PCDH15: variants seen among roughly 807,000 people sequenced by gnomAD.
PCDH15 encodes protocadherin-15.
PCDH15 carries 129 observed loss-of-function variants against 178.5 expected under a neutral mutation model. The observed-to-expected ratio is 0.72, with a 90% CI of 0.63 to 0.84. The LOEUF is 0.84. Ranked by LOEUF, PCDH15 falls within the 40% of genes least tolerant of loss-of-function variation. The pLI is 0.00. For synonymous variants in PCDH15, 800 were observed against 732.0 expected, an observed-to-expected ratio of 1.09 and a Z score of -1.50; for missense variants, 2,230 against 2,099.9, an observed-to-expected ratio of 1.06 and a Z score of -1.21.
rs561359454 is a variant in PCDH15, at chr10:55,544,440, T to C, written c.-156+83185A>G. On this transcript the variant is annotated intron_variant, in intron 2 of 5. Coordinates refer to the PCDH15 transcript ENST00000613346. ...GGCACACATTAATATATCTGAACTA[T>C]TCATATTTTTCAAATGTCTGTTCTC... 2.4e-4 allele frequency among the ~76,000 whole-genome samples: 36 copies of C among 152,018 alleles called. 2 individuals carry two copies. In the South Asian group the frequency reaches 7.5e-3, roughly 32 times the overall value.
chr10:53,992,082 T>A (rs1412619657), intron 21 of PCDH15, among the ~76,000 whole-genome samples: 1 of 151,850 alleles, frequency 6.6e-6, no homozygotes, highest in East Asian at 1.9e-4. Context: ...GGTCTGCAGC[T>A]TCACTCCTGA....
intron 7 of PCDH15, among the ~76,000 whole-genome samples, chr10:54,320,217 A>T (rs527691934): frequency 6.6e-6 from 1 of 152,106 alleles, no homozygotes; most frequent in South Asian, 2.1e-4. Context: ...CCCTCTGCCA[A>T]GAAAGTTTAT....
intron 8 of PCDH15, among the ~76,000 whole-genome samples, chr10:54,295,281 G>C (rs537915187): frequency 6.6e-6 from 1 of 151,750 alleles, no homozygotes; most frequent in Non-Finnish European, 1.5e-5. Context: ...TAAGTGCTCT[G>C]TAAAATGGAC....
intron 2 of PCDH15, among the ~76,000 whole-genome samples, chr10:55,374,768 T>C (rs1052485791): frequency 1.3e-5 from 2 of 152,108 alleles, no homozygotes; most frequent in Non-Finnish European, 2.9e-5. Context: ...CCTGAAAGCA[T>C]AATTTTTGTT....
At chr10:54,950,110 T>C (rs981885045) in intron 2 of PCDH15, among the ~76,000 whole-genome samples, 2 of 152,016 alleles carry the variant, frequency 1.3e-5, no homozygotes, top group Admixed American at 6.6e-5. Flanking sequence ...TATTAGTCCA[T>C]TTTCCCACTG....
At chr10:54,073,349 C>A (rs751276146) in intron 17 of PCDH15, among the ~76,000 whole-genome samples, 25 of 151,772 alleles carry the variant, frequency 1.6e-4, no homozygotes, top group Non-Finnish European at 3.1e-4. Context: ...TAAAGTTTTA[C>A]TATTCTATAA....
At chr10:55,182,999 C>T (rs750819622) in intron 1 of PCDH15, among the ~76,000 whole-genome samples, 5 of 151,954 alleles carry the variant, frequency 3.3e-5, no homozygotes, top group Non-Finnish European at 7.4e-5. Flanking sequence ...CCCTTGGTCA[C>T]TCTAAATATG....
At chr10:55,141,361 T>C (rs1034559161) in intron 2 of PCDH15, among the ~76,000 whole-genome samples, 5 of 152,026 alleles carry the variant, frequency 3.3e-5, no homozygotes, top group African/African-American at 7.2e-5. Flanking sequence ...TAGAGTCAAA[T>C]TGCTGCAAAA....
intron 2 of PCDH15, among the ~76,000 whole-genome samples, chr10:55,079,262 G>A (rs931746224): frequency 6.6e-6 from 1 of 152,118 alleles, no homozygotes; most frequent in African/African-American, 2.4e-5. Flanking sequence ...TTCTTTGGGG[G>A]ATGTTTTTGT....
chr10:55,303,007 A>G (rs1308468190), intron 1 of PCDH15, among the ~76,000 whole-genome samples: 1 of 152,150 alleles, frequency 6.6e-6, no homozygotes, highest in Non-Finnish European at 1.5e-5. Context: ...AGTTAACATT[A>G]CTTAAATGCT....
chr10:53,832,176 G>A lies in PCDH15; in HGVS notation c.3984-643C>T, dbSNP rs993510626. 7.9e-5 allele frequency among the ~76,000 whole-genome samples: 12 copies of A among 152,062 alleles called. No homozygotes were observed. The South Asian group carries it at 1.4e-3, about 18-fold the overall frequency. ...GAAAAAAAGACTAAATAAATGATGC[G>A]AGTAGTATATCAGTGTTGTAAGAAT... On this transcript the variant is annotated intron_variant, in intron 29 of 37. Transcript: ENST00000644397.
chr10:54,204,727 T>C (rs536779141), intron 10 of PCDH15, among the ~76,000 whole-genome samples: 1 of 152,154 alleles, frequency 6.6e-6, no homozygotes, highest in South Asian at 2.1e-4. Flanking sequence ...GCAGCTGCCC[T>C]AGGAAGTGAC....
intron 2 of PCDH15, among the ~76,000 whole-genome samples, chr10:55,344,929 T>A (rs1343325954): frequency 6.6e-6 from 1 of 152,090 alleles, no homozygotes; most frequent in African/African-American, 2.4e-5. Flanking sequence ...GTAAGTAACA[T>A]AATGCTACGT....
chr10:55,537,371 A>C (rs1458734958), intron 2 of PCDH15, among the ~76,000 whole-genome samples: 1 of 151,960 alleles, frequency 6.6e-6, no homozygotes, highest in Admixed American at 6.6e-5. Flanking sequence ...AATACTGAAC[A>C]CCTGCTATTT....
At chr10:55,005,072 A>G (rs190613019) in intron 2 of PCDH15, among the ~76,000 whole-genome samples, 1 of 152,000 alleles carries the variant, frequency 6.6e-6, no homozygotes, top group African/African-American at 2.4e-5. Flanking sequence ...TTTAGTTTCT[A>G]TCAATAATAA....
chr10:54,783,505 C>G (rs1950564048), intron 1 of PCDH15, among the ~76,000 whole-genome samples: 1 of 152,076 alleles, frequency 6.6e-6, no homozygotes. Flanking sequence ...TATGGAACAT[C>G]ATTCAGCAAA....
At chr10:54,559,850 TAAAAAAAAAAA>T (rs80250003) in intron 2 of PCDH15, among the ~76,000 whole-genome samples, 1 of 73,102 alleles carries the variant, frequency 1.4e-5, no homozygotes, top group Non-Finnish European at 2.8e-5. Context: ...TGTCTTATAG[TAAAAAAAAAAA>T]AAAAAAAAAA....
intron 15 of PCDH15, among the ~76,000 whole-genome samples, chr10:54,097,503 C>G (rs2094722356): frequency 6.6e-6 from 1 of 152,184 alleles, no homozygotes; most frequent in East Asian, 1.9e-4. Flanking sequence ...TTCCCATGCA[C>G]TTCCTCTCTA....
chr10:54,340,235 A>C (rs1941974228), intron 6 of PCDH15, among the ~76,000 whole-genome samples: 1 of 152,172 alleles, frequency 6.6e-6, no homozygotes, highest in African/African-American at 2.4e-5. Context: ...CTACATATCT[A>C]ATATGCATCA....
Sources: gnomAD v4.1 joint callset for allele counts (sites outside exome capture counted in the v4.1 genomes callset) on GRCh38, gnomAD v4.1.1 for gene constraint, MANE v1.5 for transcripts, NCBI Gene and HGNC (gene_info 2026-07-23, HGNC 2026-07-21) for gene names.